Variants in CENPP observed in about 807,000 individuals in gnomAD.
The protein encoded by CENPP is centromere protein P.
A neutral mutation model predicts 35.6 loss-of-function variants in CENPP; 24 were observed. The observed-to-expected ratio is 0.67, with a 90% CI of 0.49 to 0.95. CENPP has a LOEUF of 0.95. CENPP is among the 40% of genes least tolerant of loss of function. The pLI is 0.00. For synonymous variants in CENPP, 120 were observed against 125.5 expected (o/e 0.96, Z 0.29); for missense variants, 332 against 345.3 (o/e 0.96, Z 0.31).
chr9:92,336,177 A>C (rs1365725399), intron 2 of CENPP, among the ~76,000 whole-genome samples: 1 of 152,080 alleles, frequency 6.6e-6, no homozygotes, highest in Admixed American at 6.6e-5. Flanking sequence ...TTTTTCTGAT[A>C]GTTTCCTCTT....
intron 4 of CENPP, among the ~76,000 whole-genome samples, chr9:92,346,144 A>G (rs1012624361): frequency 5.9e-5 from 9 of 152,216 alleles, no homozygotes; most frequent in Non-Finnish European, 1.0e-4. Context: ...GGAGAGTTAC[A>G]TAATGCTGTT....
Position 92,476,323 on chromosome 9 carries a change from G to A in CENPP, c.564+96464G>A, listed in dbSNP as rs1316633894. 1.3e-5 allele frequency among the ~76,000 whole-genome samples: 2 copies of A among 152,062 alleles called. No homozygotes were observed. The highest frequency in any genetic ancestry group is 2.9e-5 in the Non-Finnish European group (2 of 68,000). ...AATCAGCTTTAACATCTCTCCATGG[G>A]CCTGCTTTTTCCTGGATTTAAAAAT... On this transcript the variant is annotated intron_variant, in intron 5 of 7. Transcript: ENST00000375587. This position sits in a 1 kb window ranked among gnomAD's most constrained non-coding sequence, Gnocchi z 4.1.
chr9:92,600,513 G>C, intron 5 of CENPP: 1 of 1,612,906 alleles, frequency 6.2e-7, no homozygotes, highest in East Asian at 2.2e-5. Flanking sequence ...GATGAGGTAA[G>C]TGCTGAGGGC....
intron 5 of CENPP, chr9:92,502,567 C>T (rs372302066): frequency 1.4e-5 from 22 of 1,612,174 alleles, no homozygotes; most frequent in African/African-American, 6.7e-5. Context: ...TTTGTTATAA[C>T]GTAGTACAAT....
intron 4 of CENPP, among the ~76,000 whole-genome samples, chr9:92,352,811 C>G (rs1588052715): frequency 6.6e-6 from 1 of 151,906 alleles, no homozygotes; most frequent in East Asian, 1.9e-4. Flanking sequence ...AGTCTGCCTT[C>G]TCCAGCCCAC....
rs767502674 is a variant in CENPP at position 92,393,161 on chromosome 9, G to C, written c.564+13302G>C. On this transcript the variant is annotated intron_variant, in intron 5 of 7. Coordinates refer to ENST00000375587, the MANE Select transcript of CENPP (RefSeq NM_001012267.3). Reference sequence around the variant, plus strand: ...GCGTAAAGATAGGCTGATTCCTTTGGTAAGGGTGGTACAGCATCAATGTCA... The same window carrying C: ...GCGTAAAGATAGGCTGATTCCTTTGCTAAGGGTGGTACAGCATCAATGTCA... 53 of 1,613,616 alleles carry C rather than the reference G, an allele frequency of 3.3e-5. No individual in the cohort carries two copies. The highest frequency in any genetic ancestry group is 4.2e-5 in the Non-Finnish European group (50 of 1,179,836).
intron 5 of CENPP, chr9:92,457,447 T>C: frequency 1.2e-6 from 2 of 1,613,110 alleles, no homozygotes; most frequent in Non-Finnish European, 8.5e-7. Context: ...AGTCATTTAC[T>C]CCCACTCTTG....
intron 5 of CENPP, among the ~76,000 whole-genome samples, chr9:92,461,896 GT>G: frequency 6.6e-6 from 1 of 151,900 alleles, no homozygotes; most frequent in South Asian, 2.1e-4. Flanking sequence ...GGTTTTTTGT[GT>G]TTTTTTTAAA....
chr9:92,507,046 T>C (rs1847050694), intron 5 of CENPP, among the ~76,000 whole-genome samples: 1 of 152,090 alleles, frequency 6.6e-6, no homozygotes, highest in African/African-American at 2.4e-5. Context: ...TATCTGGCAT[T>C]GCAGGCCCCC....
At chr9:92,537,113 T>A (rs7862677) in intron 5 of CENPP, among the ~76,000 whole-genome samples, 39,619 of 151,344 alleles carry the variant, frequency 0.26, 7,641 homozygotes, top group African/African-American at 0.54. Context: ...TGACCTCATG[T>A]GATCCACCCA....
Position 92,493,993 on chromosome 9 carries a change from C to T in CENPP, c.564+114134C>T, listed in dbSNP as rs1390914451. The T allele has an allele frequency of 3.7e-6, 5 of 1,341,646 alleles. No individual in the cohort carries two copies. In the East Asian group the frequency reaches 1.2e-4, roughly 32 times the overall value. The allele number at this position is 1,341,646 out of a possible 1,614,324, so 83.1% of individuals were successfully genotyped here. A position where few individuals can be genotyped will look rare whatever the true frequency, so the allele number is the denominator to read the frequency against. ...CCGTAGTCTCCTGGCGGCCCTCAGG[C>T]CCCAGTGTGCTCGTCGCATTGTCAC... On this transcript the variant is annotated intron_variant, in intron 5 of 7. Transcript: ENST00000375587.
At chr9:92,345,898 G>A in intron 4 of CENPP, 111 bp downstream of exon 4, 2 of 634,836 alleles carry the variant, frequency 3.2e-6, no homozygotes, top group Non-Finnish European at 5.6e-6. Flanking sequence ...TTCTCTGAAA[G>A]TATAACACCA....
intron 5 of CENPP, among the ~76,000 whole-genome samples, chr9:92,555,213 AAT>A (rs1491451050): frequency 3.7e-4 from 41 of 110,018 alleles, no homozygotes; most frequent in Non-Finnish European, 5.9e-4. Context: ...TTTTTTTGGA[AAT>A]TTTTTTTTTT....
chr9:92,532,033 T>TTTTTTTTTTTTTTTTTTTTTTG (rs1848823327), intron 5 of CENPP, among the ~76,000 whole-genome samples: 1 of 131,288 alleles, frequency 7.6e-6, no homozygotes, highest in African/African-American at 3.2e-5. Context: ...TTTTTTATTT[T>TTTTTTTTTTTTTTTTTTTTTTG]ATTTTTTTTT....
At chr9:92,442,227 G>A (rs1438790188) in intron 5 of CENPP, among the ~76,000 whole-genome samples, 3 of 151,656 alleles carry the variant, frequency 2.0e-5, no homozygotes, top group Non-Finnish European at 2.9e-5. Context: ...GAGAAACCCC[G>A]TCTCTACTAA....
rs1413365893 is a variant in CENPP, at chr9:92,617,623, G to C, written c.*4474G>C. The C allele has an allele frequency of 6.5e-6, 1 of 154,230 alleles. No homozygotes were observed. The highest frequency in any genetic ancestry group is 2.4e-5 in the African/African-American group (1 of 41,474). 9.6% of individuals were successfully genotyped at this position (154,230 alleles called of 1,614,324 possible). A position where few individuals can be genotyped will look rare whatever the true frequency, so the allele number is the denominator to read the frequency against. On this transcript the variant is annotated 3_prime_UTR_variant, in exon 8 of 8. Coordinates refer to ENST00000375587, the MANE Select transcript of CENPP (RefSeq NM_001012267.3). ...GGCTCAGGTGGCCTTCTGGCTGCAG[G>C]GGGGCAGCCCTTGCCTGGAAGGCCG...
chr9:92,391,063 G>A (rs971876217), intron 5 of CENPP, among the ~76,000 whole-genome samples: 2 of 151,820 alleles, frequency 1.3e-5, no homozygotes, highest in South Asian at 2.1e-4. Context: ...TCAGGAGTTC[G>A]AGACCAGCCT....
At chr9:92,607,239 C>G (rs1851107141) in intron 5 of CENPP, among the ~76,000 whole-genome samples, 1 of 152,132 alleles carries the variant, frequency 6.6e-6, no homozygotes, top group South Asian at 2.1e-4. Context: ...GGCCCAGTGC[C>G]AGTTACTGCG....
chr9:92,509,757 G>A, intron 5 of CENPP: 1 of 830,304 alleles, frequency 1.2e-6, no homozygotes, highest in East Asian at 3.2e-5. Context: ...ATAGTTAAAA[G>A]AAGTTTTATC....
Sources: gnomAD v4.1 joint callset for allele counts (sites outside exome capture counted in the v4.1 genomes callset) on GRCh38, gnomAD v4.1.1 for gene constraint, Gnocchi (gnomAD v3.1) non-coding constraint, MANE v1.5 for transcripts, NCBI Gene and HGNC (gene_info 2026-07-23, HGNC 2026-07-21) for gene names.